The following CEP63 variants were observed in gnomAD, a reference collection of about 807,000 sequenced individuals.
CEP63 encodes the protein centrosomal protein of 63 kDa.
Under a neutral mutation model 89.1 loss-of-function variants are expected in CEP63, and 84 were observed. The observed-to-expected ratio is 0.94, with a 90% CI of 0.79 to 1.13. CEP63 has a LOEUF of 1.13. Among genes scored for constraint, CEP63 ranks in the 50% most tolerant of loss-of-function variants. The probability of loss-of-function intolerance (pLI) is 0.00; values close to 1 mark genes in which losing one functional copy is unlikely to be tolerated. For missense variants in CEP63, 838 were observed against 813.3 expected (o/e 1.03, Z -0.37); for synonymous variants, 267 against 272.5 (o/e 0.98, Z 0.20).
At chr3:134,710,115 C>T in the CEP63 span, among the ~76,000 whole-genome samples, 1,020 of 152,324 alleles carry the variant, frequency 6.7e-3, 10 homozygotes, top group African/African-American at 0.022. Context: ...TGGCCTGGGA[C>T]CTCAGCCACA....
At chr3:134,590,491 G>A (rs143839400), downstream of CEP63, among the ~76,000 whole-genome samples, 58 of 152,148 alleles carry the variant, frequency 3.8e-4, no homozygotes, top group African/African-American at 1.3e-3. Context: ...TCTAATAAAA[G>A]ATGTTCAAGA....
chr3:134,714,977 C>T, the CEP63 span, among the ~76,000 whole-genome samples: 1 of 152,180 alleles, frequency 6.6e-6, no homozygotes, highest in East Asian at 1.9e-4. Context: ...GAGGGTGTCC[C>T]AAACCCAGCT....
intron 3 of CEP63, among the ~76,000 whole-genome samples, chr3:134,513,830 C>T (rs2108588000): frequency 6.6e-6 from 1 of 152,204 alleles, no homozygotes; most frequent in Non-Finnish European, 1.5e-5. Flanking sequence ...GTGCTACTGT[C>T]CCCAGGCATC....
chr3:134,691,840 C>T, the CEP63 span, among the ~76,000 whole-genome samples: 2 of 152,002 alleles, frequency 1.3e-5, no homozygotes, highest in Admixed American at 1.3e-4. Context: ...CTGCCTCAGC[C>T]TCCTGAGTAC....
chr3:134,609,440 T>G, the CEP63 span, among the ~76,000 whole-genome samples: 2 of 152,140 alleles, frequency 1.3e-5, no homozygotes. Flanking sequence ...GAGCCCTGCG[T>G]GTAGGATGTG....
At chr3:134,757,706 G>A in the CEP63 span, among the ~76,000 whole-genome samples, 1 of 152,184 alleles carries the variant, frequency 6.6e-6, no homozygotes, top group Non-Finnish European at 1.5e-5. Flanking sequence ...GGGGCTAGGG[G>A]CCCTTGGGGG....
chr3:134,541,309 T>C (rs547589547), intron 6 of CEP63, among the ~76,000 whole-genome samples: 20 of 152,152 alleles, frequency 1.3e-4, no homozygotes, highest in Non-Finnish European at 1.6e-4. Context: ...TATAAAGTCT[T>C]ACCTAAGTCA....
At chr3:134,737,714 C>G in the CEP63 span, among the ~76,000 whole-genome samples, 1 of 152,212 alleles carries the variant, frequency 6.6e-6, no homozygotes, top group Non-Finnish European at 1.5e-5. Context: ...AATGTGGCTT[C>G]TTCTCATGTC....
At chr3:134,667,659 G>A in the CEP63 span, among the ~76,000 whole-genome samples, 6 of 152,344 alleles carry the variant, frequency 3.9e-5, no homozygotes, top group Admixed American at 1.3e-4. Context: ...AGCTGTGGCC[G>A]CTCCCACAGT....
chr3:134,557,580 A>G (rs915560969), intron 12 of CEP63, among the ~76,000 whole-genome samples: 1 of 151,926 alleles, frequency 6.6e-6, no homozygotes, highest in Non-Finnish European at 1.5e-5. Flanking sequence ...ATGATACCAG[A>G]TCAGAATAGT....
the CEP63 span, among the ~76,000 whole-genome samples, chr3:134,595,188 C>T: frequency 2.0e-5 from 3 of 152,196 alleles, no homozygotes; most frequent in Non-Finnish European, 4.4e-5. Context: ...TGGTTACTCT[C>T]ATGCTGTTCT....
chr3:134,593,832 T>C, the CEP63 span, among the ~76,000 whole-genome samples: 1 of 152,176 alleles, frequency 6.6e-6, no homozygotes, highest in Non-Finnish European at 1.5e-5. Context: ...ACTGCCAGAG[T>C]GGATGCCCTC....
At chr3:134,665,777 A>G in the CEP63 span, among the ~76,000 whole-genome samples, 1 of 152,126 alleles carries the variant, frequency 6.6e-6, no homozygotes, top group Non-Finnish European at 1.5e-5. Flanking sequence ...AAACAGACAC[A>G]GAGACATAGG....
chr3:134,642,255 G>A, the CEP63 span, among the ~76,000 whole-genome samples: 2 of 152,152 alleles, frequency 1.3e-5, no homozygotes, highest in African/African-American at 2.4e-5. Context: ...CCAATCCTCC[G>A]GGGCCTCCAG....
chr3:134,651,237 G>A, the CEP63 span: 9 of 1,247,462 alleles, frequency 7.2e-6, no homozygotes, highest in South Asian at 1.4e-4. Context: ...CGGGGCCATA[G>A]TCAGCAGGGG....
At chr3:134,777,499 TAAA>T in the CEP63 span, among the ~76,000 whole-genome samples, 4 of 152,096 alleles carry the variant, frequency 2.6e-5, no homozygotes, top group African/African-American at 9.7e-5. Flanking sequence ...TTAACTCACT[TAAA>T]ATAATTTAAA....
the CEP63 span, among the ~76,000 whole-genome samples, chr3:134,781,189 T>A: frequency 6.6e-6 from 1 of 152,204 alleles, no homozygotes; most frequent in African/African-American, 2.4e-5. Context: ...ATTGTCTTCG[T>A]TATTCTTGCC....
At chr3:134,515,256 C>CAA (rs1301199546) in intron 3 of CEP63, among the ~76,000 whole-genome samples, 1 of 151,294 alleles carries the variant, frequency 6.6e-6, no homozygotes, top group East Asian at 1.9e-4. Flanking sequence ...CCAAAGAAGG[C>CAA]AAAAAAGAAG....
At chr3:134,607,455 T>C in the CEP63 span, 7 of 985,644 alleles carry the variant, frequency 7.1e-6, no homozygotes, top group Non-Finnish European at 7.2e-6. Flanking sequence ...CAGTGTGAGC[T>C]CAGACCTCCT....
Sources: gnomAD v4.1 joint callset for allele counts (sites outside exome capture counted in the v4.1 genomes callset) on GRCh38, gnomAD v4.1.1 for gene constraint, MANE v1.5 for transcripts, NCBI Gene and HGNC (gene_info 2026-07-23, HGNC 2026-07-21) for gene names.